The following RBM17 variants were observed in gnomAD, a reference collection of about 807,000 sequenced individuals.
The protein encoded by RBM17 is RNA binding motif protein 17, also known as splicing factor 45.
Under a neutral mutation model 53.2 loss-of-function variants are expected in RBM17, and 7 were observed. The observed-to-expected ratio is 0.13, with a 90% CI of 0.07 to 0.25. The LOEUF is 0.25. RBM17 is among the 10% of genes least tolerant of loss of function. RBM17 has a pLI of 1.00. For synonymous variants in RBM17, 167 were observed against 178.1 expected (o/e 0.94, Z 0.50); for missense variants, 257 against 496.7 (o/e 0.52, Z 4.59).
chr10:6,113,359 G>A (rs2132955268), intron 8 of RBM17, 149 bp from the exon 9 acceptor site: 1 of 580,144 alleles, frequency 1.7e-6, no homozygotes, highest in Non-Finnish European at 3.0e-6. Flanking sequence ...TTTTCGCTCA[G>A]AGACCAATTG....
At chr10:6,096,533 A>G (rs549406217) in intron 1 of RBM17, among the ~76,000 whole-genome samples, 1 of 152,338 alleles carries the variant, frequency 6.6e-6, no homozygotes, top group Admixed American at 6.5e-5. Flanking sequence ...TTTAAGATGT[A>G]ACCAGTCTAC....
chr10:6,094,695 A>C (rs1454839137), intron 1 of RBM17, among the ~76,000 whole-genome samples: 2 of 152,192 alleles, frequency 1.3e-5, no homozygotes, highest in Admixed American at 1.3e-4. Context: ...GAGTTTTCTT[A>C]GATTAAAATT....
chr10:6,091,037 A>AT (rs1228072641), intron 1 of RBM17, among the ~76,000 whole-genome samples: 5 of 143,920 alleles, frequency 3.5e-5, no homozygotes, highest in African/African-American at 1.3e-4. Context: ...ATATTTATAT[A>AT]TTTTTATATA....
chr10:6,115,017 C>T (rs1367257208), intron 10 of RBM17: 11 of 553,688 alleles, frequency 2.0e-5, no homozygotes, highest in Non-Finnish European at 6.3e-6. Context: ...CAGAGACTGC[C>T]TAGCCCTGTG....
intron 2 of RBM17, among the ~76,000 whole-genome samples, chr10:6,098,236 A>T (rs1367785427): frequency 6.6e-6 from 1 of 151,878 alleles, no homozygotes; most frequent in East Asian, 1.9e-4. Context: ...GGGTGAAAAA[A>T]CCTTGCTCGT....
intron 1 of RBM17, among the ~76,000 whole-genome samples, chr10:6,096,618 G>A (rs1471177847): frequency 6.6e-6 from 1 of 152,060 alleles, no homozygotes; most frequent in Non-Finnish European, 1.5e-5. Context: ...CTAGGAGTAC[G>A]TTTAAATTTT....
In RBM17 at chr10:6,091,354, C is replaced by T. The variant is rs192065490; in HGVS notation, c.-19+2161C>T. On this transcript the variant is annotated intron_variant, in intron 1 of 11. Transcript: ENST00000379888. Reference sequence around the variant, plus strand: ...GATTACAGGCGTGAGCCACTGGGCCCGGTCTTGCCATATTCTTTAGGCTTC... The same window carrying T: ...GATTACAGGCGTGAGCCACTGGGCCTGGTCTTGCCATATTCTTTAGGCTTC... 4.1e-3 allele frequency among the ~76,000 whole-genome samples: 622 copies of T among 152,262 alleles called. 1 individual carries two copies. The highest frequency in any genetic ancestry group is 6.1e-3 in the Non-Finnish European group (418 of 68,020).
intron 2 of RBM17, among the ~76,000 whole-genome samples, chr10:6,098,895 C>T (rs1337433143): frequency 2.6e-5 from 4 of 151,110 alleles, no homozygotes; most frequent in Middle Eastern, 3.7e-3. Flanking sequence ...TTTCTTTTCC[C>T]TTTACCACAT....
In RBM17 at chr10:6,116,197, G is replaced by A. The variant is rs2132958393; in HGVS notation, c.*641G>A. On this transcript the variant is annotated 3_prime_UTR_variant, in exon 12 of 12. Transcript: ENST00000379888. ...GTAGGGTTTGTGATGGATTTATGGAGTATGTGGGTATAGAAATCATGAATC... is the reference window on the plus strand; with the variant it reads ...GTAGGGTTTGTGATGGATTTATGGAATATGTGGGTATAGAAATCATGAATC... 6.6e-6 allele frequency: 1 copy of A among 152,498 alleles called. No homozygotes were observed. The highest frequency in any genetic ancestry group is 1.9e-4 in the East Asian group (1 of 5,330). The allele number at this position is 152,498 out of a possible 1,614,324, so 9.4% of individuals were successfully genotyped here. A position where few individuals can be genotyped will look rare whatever the true frequency, so the allele number is the denominator to read the frequency against.
chr10:6,108,065 T>TA (rs1840781646), intron 5 of RBM17, among the ~76,000 whole-genome samples: 1 of 152,126 alleles, frequency 6.6e-6, no homozygotes. Context: ...GTCCAGGAAA[T>TA]ACACCAGGAA....
chr10:6,106,267 A>G (rs1195141651), intron 5 of RBM17, 29 bp downstream of exon 5: 9 of 1,410,938 alleles, frequency 6.4e-6, no homozygotes, highest in Non-Finnish European at 9.0e-6. Flanking sequence ...TGTCTTAAAC[A>G]TATATAAATA....
intron 6 of RBM17, 41 bp from the exon 7 acceptor site, chr10:6,109,945 C>A: frequency 6.5e-7 from 1 of 1,533,592 alleles, no homozygotes; most frequent in Non-Finnish European, 8.8e-7. Flanking sequence ...AGAGTGTTTT[C>A]TATAGTATTT....
intron 5 of RBM17, among the ~76,000 whole-genome samples, chr10:6,107,790 T>A (rs554484993): frequency 2.6e-5 from 4 of 152,120 alleles, no homozygotes; most frequent in Non-Finnish European, 5.9e-5. Flanking sequence ...CCAGAATAAT[T>A]TCTTTTGTCA....
At chr10:6,108,923 G>A (rs555650166) in intron 6 of RBM17, among the ~76,000 whole-genome samples, 181 bp downstream of exon 6, 34 of 152,350 alleles carry the variant, frequency 2.2e-4, no homozygotes, top group African/African-American at 8.2e-4. Flanking sequence ...TGCAGAGAGA[G>A]ACCTTTCTAC....
intron 2 of RBM17, among the ~76,000 whole-genome samples, chr10:6,098,683 C>T (rs1378636256): frequency 7.6e-5 from 11 of 144,040 alleles, no homozygotes; most frequent in Non-Finnish European, 1.3e-4. Context: ...TCACGCCATT[C>T]TCCTGTCTCA....
intron 5 of RBM17, 151 bp downstream of exon 5, chr10:6,106,389 A>ATGT: frequency 1.7e-6 from 1 of 587,786 alleles, no homozygotes. Context: ...CATTTGCGTC[A>ATGT]CAGTTTTAAT....
intron 10 of RBM17, 129 bp from the exon 11 acceptor site, chr10:6,115,110 G>A: frequency 1.4e-6 from 1 of 710,260 alleles, no homozygotes; most frequent in Non-Finnish European, 2.3e-6. Flanking sequence ...TATTTCCTTG[G>A]TATTTGACAA....
At chr10:6,092,330 G>A (rs1840498612) in intron 1 of RBM17, among the ~76,000 whole-genome samples, 1 of 152,120 alleles carries the variant, frequency 6.6e-6, no homozygotes, top group East Asian at 2.0e-4. Context: ...TCTTATTAAT[G>A]TACTTATTAC....
At position 6,108,224 on chromosome 10, in the gene RBM17, T is replaced by G. The variant is rs562038539; in HGVS notation, c.506-462T>G. On this transcript the variant is annotated intron_variant, in intron 5 of 11. Coordinates refer to ENST00000379888, the MANE Select transcript of RBM17 (RefSeq NM_032905.5). ...CGCAGGGAGCTGGGTTTACTCCCTTTCTGTTGATTCACTCCCCTCTGATCA... is the reference window on the plus strand; with the variant it reads ...CGCAGGGAGCTGGGTTTACTCCCTTGCTGTTGATTCACTCCCCTCTGATCA... Among the ~76,000 whole-genome samples, 9 of 152,296 alleles carry G rather than the reference T, an allele frequency of 5.9e-5. No individual in the cohort carries two copies. In the South Asian group the frequency reaches 1.9e-3, roughly 32 times the overall value.
Sources: gnomAD v4.1 joint callset for allele counts (sites outside exome capture counted in the v4.1 genomes callset) on GRCh38, gnomAD v4.1.1 for gene constraint, MANE v1.5 for transcripts, NCBI Gene and HGNC (gene_info 2026-07-23, HGNC 2026-07-21) for gene names.